Variants in TAS2R1 observed in about 807,000 individuals in gnomAD.
TAS2R1 encodes taste receptor type 2 member 1.
For missense variants in TAS2R1, 370 were observed against 353.4 expected (o/e 1.05, Z -0.38); for synonymous variants, 141 against 134.2 (o/e 1.05, Z -0.35).
At chr5:9,742,848 G>A in the TAS2R1 span, among the ~76,000 whole-genome samples, 1 of 151,914 alleles carries the variant, frequency 6.6e-6, no homozygotes, top group African/African-American at 2.4e-5. Flanking sequence ...GGAAGGGGAG[G>A]AAGAAACCCA....
At chr5:9,665,841 A>T (rs1017714870) in intron 1 of TAS2R1, among the ~76,000 whole-genome samples, 5 of 152,276 alleles carry the variant, frequency 3.3e-5, no homozygotes, top group African/African-American at 1.2e-4. Context: ...GTAAAAGAAC[A>T]GCAGTGTAGA....
intron 2 of TAS2R1, among the ~76,000 whole-genome samples, chr5:9,650,855 A>T (rs1740290839): frequency 6.6e-6 from 1 of 152,210 alleles, no homozygotes; most frequent in African/African-American, 2.4e-5. Flanking sequence ...CTTCGCTGCT[A>T]TATACCCAGT....
chr5:9,861,691 T>C, the TAS2R1 span, among the ~76,000 whole-genome samples: 10 of 152,160 alleles, frequency 6.6e-5, no homozygotes, highest in Admixed American at 2.0e-4. Flanking sequence ...AGAATGGGTG[T>C]GTATACAGCA....
At chr5:9,723,241 G>A in the TAS2R1 span, among the ~76,000 whole-genome samples, 17 of 152,134 alleles carry the variant, frequency 1.1e-4, no homozygotes, top group Admixed American at 4.6e-4. Context: ...GACTGGGCCT[G>A]TTCTCTGTCA....
chr5:9,674,048 A>G (rs751539635), intron 1 of TAS2R1, among the ~76,000 whole-genome samples: 1 of 152,202 alleles, frequency 6.6e-6, no homozygotes, highest in Non-Finnish European at 1.5e-5. Context: ...AAATCATGAC[A>G]TCAGCAATAT....
chr5:9,736,034 T>C, the TAS2R1 span, among the ~76,000 whole-genome samples: 1 of 152,226 alleles, frequency 6.6e-6, no homozygotes, highest in South Asian at 2.1e-4. Flanking sequence ...CTGTTACTCA[T>C]AGAGTATCTC....
the TAS2R1 span, among the ~76,000 whole-genome samples, chr5:9,843,770 TAGTTA>T: frequency 6.6e-6 from 1 of 152,344 alleles, no homozygotes; most frequent in Admixed American, 6.5e-5. Context: ...AAGCACAGTT[TAGTTA>T]AGTTCTCTGT....
At chr5:9,837,564 T>C in the TAS2R1 span, among the ~76,000 whole-genome samples, 1 of 152,260 alleles carries the variant, frequency 6.6e-6, no homozygotes, top group African/African-American at 2.4e-5. Context: ...CTCGCCCTGT[T>C]TCCAGGCTCA....
exon 2 of TAS2R1, chr5:9,659,491 A>G (rs551201044): frequency 6.6e-6 from 1 of 151,892 alleles, no homozygotes; most frequent in Admixed American, 6.6e-5. Context: ...AAGGTCTTCT[A>G]TCGGTTTGAG....
At chr5:9,901,459 C>A in the TAS2R1 span, among the ~76,000 whole-genome samples, 1 of 152,008 alleles carries the variant, frequency 6.6e-6, no homozygotes, top group Non-Finnish European at 1.5e-5. Context: ...CCAGAGGGGA[C>A]AGTAGAAGCC....
intron 1 of TAS2R1, among the ~76,000 whole-genome samples, chr5:9,684,566 G>A (rs962938734): frequency 1.3e-5 from 2 of 152,136 alleles, no homozygotes; most frequent in African/African-American, 2.4e-5. Context: ...AGGCCGAAGT[G>A]CAACAGCTAT....
chr5:9,796,303 A>C, the TAS2R1 span, among the ~76,000 whole-genome samples: 1 of 152,196 alleles, frequency 6.6e-6, no homozygotes, highest in Admixed American at 6.5e-5. Context: ...CTCACTGCTC[A>C]TATCTACCCC....
At chr5:9,716,629 C>T (rs540143050), upstream of TAS2R1, among the ~76,000 whole-genome samples, 2 of 152,180 alleles carry the variant, frequency 1.3e-5, no homozygotes, top group African/African-American at 4.8e-5. Flanking sequence ...TGAGTTCCCC[C>T]ATTTCTGCTC....
chr5:9,638,847 T>A (rs2126479452), intron 2 of TAS2R1, among the ~76,000 whole-genome samples: 1 of 152,124 alleles, frequency 6.6e-6, no homozygotes. Context: ...GGGGATATAT[T>A]CCAGAGAGAA....
At chr5:9,731,978 C>T in the TAS2R1 span, among the ~76,000 whole-genome samples, 1 of 152,166 alleles carries the variant, frequency 6.6e-6, no homozygotes. Flanking sequence ...AAGGCCTTGC[C>T]TTCATGGTGT....
chr5:9,636,817 C>T (rs114992145), intron 2 of TAS2R1, among the ~76,000 whole-genome samples: 390 of 151,990 alleles, frequency 2.6e-3, no homozygotes, highest in South Asian at 7.7e-3. Context: ...TGAGTTCTTA[C>T]GGGCTGGGTG....
Position 9,647,624 on chromosome 5 carries a change from G to A in TAS2R1, c.-81+11797C>T, listed in dbSNP as rs192585126. On this transcript the variant is annotated intron_variant, in intron 2 of 2. Transcript: ENST00000506620. ...GTCCAATATATTTTAAATTACAATA[G>A]TAGTATATTAGAAAGGGAAATATAA... 6.4e-3 allele frequency among the ~76,000 whole-genome samples: 979 copies of A among 152,212 alleles called. 5 individuals are homozygous for A. The highest frequency in any genetic ancestry group is 0.01 in the Non-Finnish European group (696 of 68,006).
chr5:9,830,074 T>C, the TAS2R1 span, among the ~76,000 whole-genome samples: 3 of 152,188 alleles, frequency 2.0e-5, no homozygotes, highest in Admixed American at 2.0e-4. Flanking sequence ...ACAAGCATTT[T>C]TGCATAGACC....
In TAS2R1 at chr5:9,683,013, C is replaced by T. The variant is rs62344222; in HGVS notation, c.-241-23432G>A. Among the ~76,000 whole-genome samples, 749 of 152,184 alleles carry T rather than the reference C, an allele frequency of 4.9e-3. 6 individuals are homozygous for T. Among genetic ancestry groups the T allele is most frequent in the Non-Finnish European group, 5.3e-3 (358 of 67,998 alleles). ...AGCTAAATTCTGAGGGAGCCAGGGA[C>T]GTAAAAAGATCCTTTAATGTAGTCT... is the stretch of plus-strand genomic sequence containing the variant. On this transcript the variant is annotated intron_variant, in intron 1 of 2. Transcript: ENST00000506620.
Sources: allele counts gnomAD v4.1 joint callset (sites outside exome capture counted in the v4.1 genomes callset), GRCh38; gene constraint gnomAD v4.1.1; transcripts MANE v1.5; gene names NCBI Gene and HGNC (gene_info 2026-07-23, HGNC 2026-07-21).